The following TRIM9 variants were observed in gnomAD, a reference collection of about 807,000 sequenced individuals.
TRIM9 encodes tripartite motif containing 9.
A neutral mutation model predicts 78.3 loss-of-function variants in TRIM9; 26 were observed. That is an observed-to-expected ratio of 0.33 (90% CI 0.24 to 0.46). TRIM9 has a LOEUF of 0.46. TRIM9 is among the 20% of genes least tolerant of loss of function. TRIM9 has a pLI of 1.00. For missense variants in TRIM9, 787 were observed against 1,036.4 expected, an observed-to-expected ratio of 0.76 and a Z score of 3.30; for synonymous variants, 398 against 416.5, an observed-to-expected ratio of 0.96 and a Z score of 0.54.
chr14:51,094,493 G>A lies in TRIM9; in HGVS notation c.447C>T (p.Arg149=). ...AGCGGTCAATTACCCCTTCCAGTAC[G>A]CGATTCTTGGGGAAGCCGCGGAGCC... ...DRGLRGFPKN[R]VLEGVIDRYQ... is the part of the protein sequence containing the mutation. The change falls in exon 1 of 13, where the codon CGC becomes CGT. Residue 149 remains arginine (R), a synonymous_variant. Transcript: ENST00000684578. The A allele has an allele frequency of 6.2e-7, 1 of 1,613,726 alleles. No homozygotes were observed. Among genetic ancestry groups the A allele is most frequent in the South Asian group, 1.1e-5 (1 of 91,066 alleles).
At chr14:50,983,838 G>A (rs2139327987) in intron 8 of TRIM9, among the ~76,000 whole-genome samples, 1 of 152,300 alleles carries the variant, frequency 6.6e-6, no homozygotes, top group South Asian at 2.1e-4. Context: ...ATGCCAAAAG[G>A]TCTTCATTGT....
intron 1 of TRIM9, among the ~76,000 whole-genome samples, chr14:51,067,936 G>A (rs530213288): frequency 6.6e-6 from 1 of 152,264 alleles, no homozygotes; most frequent in Admixed American, 6.5e-5. Context: ...CTTGTGTATT[G>A]TTGTATGCCA....
At chr14:51,061,088 G>A (rs1202374819) in intron 1 of TRIM9, among the ~76,000 whole-genome samples, 1 of 152,120 alleles carries the variant, frequency 6.6e-6, no homozygotes, top group Non-Finnish European at 1.5e-5. Flanking sequence ...TTTTTGTGAA[G>A]TGTCTGCTCG....
At chr14:51,054,488 C>T (rs2060725447) in intron 1 of TRIM9, among the ~76,000 whole-genome samples, 1 of 151,036 alleles carries the variant, frequency 6.6e-6, no homozygotes, top group Non-Finnish European at 1.5e-5. Flanking sequence ...GTTGCCTAGG[C>T]TAGTCTGGAA....
In TRIM9 at chr14:51,022,974, A is replaced by G; in HGVS notation, c.919-17T>C. ...ACTGTTCTCCTGTGTAACAGAGCAC[A>G]TTTCTCAACTGCAAGCTGCTGGGTG... On this transcript the variant is annotated splice_polypyrimidine_tract_variant and intron_variant, in intron 2 of 12. Transcript: ENST00000684578. 1 of 1,613,386 alleles carries G rather than the reference A, an allele frequency of 6.2e-7. No homozygotes were observed. Among genetic ancestry groups the G allele is most frequent in the Non-Finnish European group, 8.5e-7 (1 of 1,179,876 alleles).
chr14:50,984,978 G>T (rs1222762099), intron 8 of TRIM9, among the ~76,000 whole-genome samples: 1 of 152,182 alleles, frequency 6.6e-6, no homozygotes, highest in East Asian at 1.9e-4. Context: ...CATCCTTTTT[G>T]CACTGTCATG....
At chr14:51,045,557 T>C (rs184513207) in intron 1 of TRIM9, among the ~76,000 whole-genome samples, 37 of 152,328 alleles carry the variant, frequency 2.4e-4, no homozygotes, top group African/African-American at 7.5e-4. Context: ...TCCAACTGGA[T>C]GTCCTATGAT....
rs2139660675 is a variant in TRIM9 at position 51,012,805 on chromosome 14, A to G, written c.1042-2311T>C. Among the ~76,000 whole-genome samples the G allele has an allele frequency of 1.3e-5, 2 of 152,286 alleles. 1 individual carries two copies. Among genetic ancestry groups the G allele is most frequent in the South Asian group, 4.1e-4 (2 of 4,826 alleles). On this transcript the variant is annotated intron_variant, in intron 3 of 12. Coordinates refer to ENST00000684578, the MANE Select transcript of TRIM9 (RefSeq NM_001387360.1). ...GGTTTCAATTTGCATTTCCCTAATGACTGGTGATGCTGAGCATCTTTTCAT... is the reference window on the plus strand; with the variant it reads ...GGTTTCAATTTGCATTTCCCTAATGGCTGGTGATGCTGAGCATCTTTTCAT...
In TRIM9 at chr14:50,977,318, G is replaced by T; in HGVS notation, c.2361C>A (p.Phe787Leu). The change falls in exon 13 of 13, where the codon TTC becomes TTA. Residue 787 changes from phenylalanine to leucine, a missense_variant. Phe to Leu is a conservative substitution (Grantham distance 22, BLOSUM62 0). Around this residue, in one of 3 missense-constraint regions of TRIM9, gnomAD observed 421 missense variants for 514.3 expected, o/e 0.82. Coordinates refer to ENST00000684578, the MANE Select transcript of TRIM9 (RefSeq NM_001387360.1). ...TLHTGLPVPD[F>L]YSSRASIA ...AGGCTATTGATGCTCTGCTGGAGTA[G>T]AAGTCGGGGACTGGGAGCCCGGTGT... 6.5e-7 allele frequency: 1 copy of T among 1,549,210 alleles called. No individual in the cohort carries two copies. Among genetic ancestry groups the T allele is most frequent in the Non-Finnish European group, 8.7e-7 (1 of 1,145,094 alleles).
chr14:50,977,543 C>T (rs1295760415), intron 12 of TRIM9, among the ~76,000 whole-genome samples, 190 bp from the exon 13 acceptor site: 2 of 152,208 alleles, frequency 1.3e-5, no homozygotes. Flanking sequence ...CCATGGTGGG[C>T]TCTCAAATCC....
At chr14:51,026,805 G>A (rs564560294) in intron 1 of TRIM9, among the ~76,000 whole-genome samples, 5 of 152,304 alleles carry the variant, frequency 3.3e-5, no homozygotes, top group Non-Finnish European at 7.3e-5. Context: ...GTGTGACCTT[G>A]AGAAAGTTAC....
At chr14:51,016,376 A>G (rs975771173) in intron 3 of TRIM9, among the ~76,000 whole-genome samples, 1 of 152,050 alleles carries the variant, frequency 6.6e-6, no homozygotes, top group African/African-American at 2.4e-5. Flanking sequence ...TGAACTGCGC[A>G]TGCAAGGGAT....
In TRIM9 at chr14:50,983,409, T is replaced by A. The variant is rs567880001; in HGVS notation, c.1805A>T (p.Glu602Val). The change falls in exon 9 of 13, where the codon GAG (glutamate) becomes GTG (valine). Residue 602 changes from glutamate (E) to valine (V), a missense_variant. Around this residue, in one of 3 missense-constraint regions of TRIM9, gnomAD observed 421 missense variants for 514.3 expected, o/e 0.82. Coordinates refer to ENST00000684578, the MANE Select transcript of TRIM9 (RefSeq NM_001387360.1). ...QSLNAPGCNF[E>V]TQSAPYSQLV... The stretch of plus-strand genomic sequence containing the variant: ...TTGAGAGTAAGGTGCAGATTGTGTC[T>A]CAAAATTGCATCCTATAAAGAGATA... 1.4e-5 allele frequency: 22 copies of A among 1,543,290 alleles called. 1 individual carries two copies. The highest frequency in any genetic ancestry group is 5.5e-5 in the African/African-American group (4 of 73,062).
chr14:51,000,223 T>A (rs887291041), intron 6 of TRIM9, among the ~76,000 whole-genome samples: 1 of 152,218 alleles, frequency 6.6e-6, no homozygotes, highest in Non-Finnish European at 1.5e-5. Flanking sequence ...CAATAAGCAA[T>A]GATGGTAATA....
chr14:51,024,569 C>G (rs186454447), intron 2 of TRIM9, among the ~76,000 whole-genome samples: 20 of 152,284 alleles, frequency 1.3e-4, no homozygotes, highest in African/African-American at 3.9e-4. Context: ...ATTTTACTGT[C>G]TTATACAGTT....
chr14:51,039,724 T>C (rs2059431932), intron 1 of TRIM9, among the ~76,000 whole-genome samples: 1 of 151,538 alleles, frequency 6.6e-6, no homozygotes, highest in Non-Finnish European at 1.5e-5. Flanking sequence ...CAGATTTGTA[T>C]ATTTTATTAT....
chr14:51,024,565 C>T (rs2058049681), intron 2 of TRIM9, among the ~76,000 whole-genome samples: 1 of 152,162 alleles, frequency 6.6e-6, no homozygotes, highest in South Asian at 2.1e-4. Flanking sequence ...CATTATTTTA[C>T]TGTCTTATAC....
chr14:51,036,118 TG>T (rs758456465), intron 1 of TRIM9, among the ~76,000 whole-genome samples: 13 of 152,182 alleles, frequency 8.5e-5, no homozygotes, highest in Non-Finnish European at 1.6e-4. Flanking sequence ...CTTTTTGCCA[TG>T]CCCCGAGGCA....
At chr14:50,996,908 C>A in intron 7 of TRIM9, 4 of 985,418 alleles carry the variant, frequency 4.1e-6, no homozygotes, top group Non-Finnish European at 4.8e-6. Flanking sequence ...AGGGGCCTTT[C>A]ATCCTTGCTG....
Sources: gnomAD v4.1 joint callset for allele counts (sites outside exome capture counted in the v4.1 genomes callset) on GRCh38, gnomAD v4.1.1 for gene constraint, gnomAD v4.1.1 regional missense constraint, MANE v1.5 for transcripts, NCBI Gene and HGNC (gene_info 2026-07-23, HGNC 2026-07-21) for gene names.